The following IL1RAPL2 variants were observed in gnomAD, a reference collection of about 807,000 sequenced individuals.
IL1RAPL2 encodes X-linked interleukin-1 receptor accessory protein-like 2.
A neutral mutation model predicts 44.1 loss-of-function variants in IL1RAPL2; 3 were observed. The ratio of observed to expected loss-of-function variants is 0.07; its 90% CI spans 0.03 to 0.18. IL1RAPL2 has a LOEUF of 0.18. IL1RAPL2 is among the 10% of genes least tolerant of loss of function. The pLI, the probability that IL1RAPL2 is intolerant of heterozygous loss-of-function variation, is 1.00. For synonymous variants in IL1RAPL2, 181 were observed against 178.8 expected (o/e 1.01, Z -0.10); for missense variants, 391 against 496.4 (o/e 0.79, Z 2.02).
At chrX:105,731,203 A>G (rs2038402904) in intron 7 of IL1RAPL2, among the ~76,000 whole-genome samples, 2 of 111,678 alleles carry the variant, frequency 1.8e-5, no homozygotes, top group African/African-American at 6.5e-5. Context: ...TACAACTGAT[A>G]CCACAGAAAT....
intron 4 of IL1RAPL2, among the ~76,000 whole-genome samples, chrX:105,251,212 TCTGA>T (rs761242083): frequency 4.5e-4 from 50 of 110,583 alleles, no homozygotes; most frequent in African/African-American, 1.6e-3. Flanking sequence ...TGTTATACAT[TCTGA>T]CTGTTTTTCT....
intron 2 of IL1RAPL2, among the ~76,000 whole-genome samples, chrX:105,091,980 ACCATACACAAAACATTATTAATGATGGT>A (rs1353222291): frequency 1.8e-5 from 2 of 112,354 alleles, no homozygotes; most frequent in African/African-American, 6.5e-5. Context: ...TGTTTTGTAA[ACCATACACAAAACATTATTAATGATGGT>A]ACTTATGATG....
At chrX:105,228,884 G>A in intron 3 of IL1RAPL2, among the ~76,000 whole-genome samples, 1 of 112,078 alleles carries the variant, frequency 8.9e-6, no homozygotes, top group Non-Finnish European at 1.9e-5. Context: ...TCCTGTAAGG[G>A]ATACTTACCC....
intron 5 of IL1RAPL2, among the ~76,000 whole-genome samples, chrX:105,351,619 G>A (rs953399431): frequency 1.5e-4 from 16 of 110,108 alleles, no homozygotes; most frequent in African/African-American, 5.0e-4. Context: ...ATCACACACT[G>A]GGGCCTGTCA....
intron 2 of IL1RAPL2, among the ~76,000 whole-genome samples, chrX:104,727,095 A>G (rs937708612): frequency 7.0e-4 from 78 of 111,580 alleles, no homozygotes; most frequent in Non-Finnish European, 1.3e-3. Context: ...AAAAATAAAA[A>G]TAGACAAATG....
chrX:104,989,071 G>A (rs1231949349), intron 2 of IL1RAPL2, among the ~76,000 whole-genome samples: 1 of 111,598 alleles, frequency 9.0e-6, no homozygotes, highest in African/African-American at 3.3e-5. Context: ...GAAAAGCCTG[G>A]GGTAACCTTT....
rs1440721372 is a variant in IL1RAPL2, at chrX:105,317,322, A to G, written c.697+49781A>G. Among the ~76,000 whole-genome samples the G allele has an allele frequency of 2.0e-4, 22 of 111,829 alleles. No individual in the cohort carries two copies. The Admixed American group carries it at 2.1e-3, about 11-fold the overall frequency. ...TTTTGATGAGGTTTGCAAATATGAA[A>G]CAGTGTTGACAGTGATGATCCATTT... On this transcript the variant is annotated intron_variant, in intron 5 of 10. Transcript: ENST00000372582.
chrX:104,832,163 T>C (rs1921628076), intron 2 of IL1RAPL2, among the ~76,000 whole-genome samples: 2 of 112,161 alleles, frequency 1.8e-5, no homozygotes, highest in Admixed American at 9.6e-5. Context: ...GTCATACTAA[T>C]GTAAAAATCA....
chrX:104,966,199 T>G (rs148962914), intron 2 of IL1RAPL2, among the ~76,000 whole-genome samples: 22 of 111,352 alleles, frequency 2.0e-4, no homozygotes, highest in African/African-American at 5.5e-4. Flanking sequence ...AGAAACTAAA[T>G]ATAGAAAAAG....
At chrX:105,751,860 C>G (rs1351672360) in intron 9 of IL1RAPL2, among the ~76,000 whole-genome samples, 1 of 111,803 alleles carries the variant, frequency 8.9e-6, no homozygotes, top group Non-Finnish European at 1.9e-5. Context: ...GATAATCTAT[C>G]AAGTTTTTCA....
At chrX:104,773,037 G>A (rs1932662972) in intron 2 of IL1RAPL2, among the ~76,000 whole-genome samples, 1 of 110,958 alleles carries the variant, frequency 9.0e-6, no homozygotes, top group Non-Finnish European at 1.9e-5. Flanking sequence ...AGCCTCCCAA[G>A]TAGCTGGGGC....
At chrX:105,372,870 A>G (rs1310694761) in intron 5 of IL1RAPL2, among the ~76,000 whole-genome samples, 2 of 112,469 alleles carry the variant, frequency 1.8e-5, no homozygotes, top group Non-Finnish European at 3.8e-5. Context: ...ATGGCTGCAT[A>G]GTATTCCATG....
At chrX:105,221,865 C>T (rs1236870860) in intron 3 of IL1RAPL2, among the ~76,000 whole-genome samples, 1 of 111,206 alleles carries the variant, frequency 9.0e-6, no homozygotes, top group Non-Finnish European at 1.9e-5. Flanking sequence ...CCCTTCATAC[C>T]GACCCTTAAA....
intron 2 of IL1RAPL2, among the ~76,000 whole-genome samples, chrX:104,864,933 G>GTCAGGTAATTAATTTAGC (rs2044384674): frequency 9.0e-6 from 1 of 111,230 alleles, no homozygotes; most frequent in African/African-American, 3.3e-5. Flanking sequence ...GCTTATGGAG[G>GTCAGGTAATTAATTTAGC]TCAGGTAATT....
chrX:105,242,342 T>C (rs77908836), intron 4 of IL1RAPL2, among the ~76,000 whole-genome samples: 1 of 112,650 alleles, frequency 8.9e-6, no homozygotes, highest in Admixed American at 9.4e-5. Context: ...TTACAGTTTT[T>C]ATTTTTCTGA....
intron 2 of IL1RAPL2, among the ~76,000 whole-genome samples, chrX:105,007,678 CTCTGCGCCTACCTTTTAAGGA>C (rs762417972): frequency 4.2e-4 from 47 of 111,743 alleles, no homozygotes; most frequent in Non-Finnish European, 8.1e-4. Flanking sequence ...CACACTAGAG[CTCTGCGCCTACCTTTTAAGGA>C]AGATGGAACA....
At chrX:104,979,894 C>A (rs1296960439) in intron 2 of IL1RAPL2, among the ~76,000 whole-genome samples, 1 of 111,687 alleles carries the variant, frequency 9.0e-6, no homozygotes, top group Non-Finnish European at 1.9e-5. Flanking sequence ...GCCAGGGATG[C>A]TGCCAAACAT....
At chrX:104,600,648 GT>G (rs1340773915) in intron 1 of IL1RAPL2, among the ~76,000 whole-genome samples, 1 of 110,385 alleles carries the variant, frequency 9.1e-6, no homozygotes, top group Non-Finnish European at 1.9e-5. Flanking sequence ...GTACCCAATA[GT>G]TTTTCAACAC....
chrX:105,595,305 C>T (rs2147819965), intron 6 of IL1RAPL2, among the ~76,000 whole-genome samples: 1 of 111,438 alleles, frequency 9.0e-6, no homozygotes, highest in African/African-American at 3.3e-5. Flanking sequence ...ATATTTCTTC[C>T]ACCAAACAAG....
Sources: allele counts gnomAD v4.1 joint callset (sites outside exome capture counted in the v4.1 genomes callset), GRCh38; gene constraint gnomAD v4.1.1; transcripts MANE v1.5; gene names NCBI Gene and HGNC (gene_info 2026-07-23, HGNC 2026-07-21).